Variants in ZMYM2 observed in about 807,000 individuals in gnomAD.
ZMYM2 encodes zinc finger MYM-type containing 2.
A neutral mutation model predicts 162.8 loss-of-function variants in ZMYM2; 56 were observed. That is an observed-to-expected ratio of 0.34 (90% CI 0.28 to 0.43). The LOEUF (loss-of-function observed/expected upper bound fraction) is 0.43, where lower values mean the gene tolerates loss of function less well. ZMYM2 is among the 20% of genes least tolerant of loss of function. The pLI is 1.00. For synonymous variants in ZMYM2, 510 were observed against 541.6 expected (o/e 0.94, Z 0.81); for missense variants, 1,275 against 1,621.8 (o/e 0.79, Z 3.67).
the ZMYM2 span, among the ~76,000 whole-genome samples, chr13:19,912,354 A>G: frequency 8.2e-6 from 1 of 122,372 alleles, no homozygotes; most frequent in African/African-American, 3.2e-5. Flanking sequence ...TTTTTTTGAG[A>G]CAGGGTCTCA....
intron 2 of ZMYM2, among the ~76,000 whole-genome samples, chr13:19,973,180 G>T (rs924483979): frequency 2.6e-5 from 4 of 151,620 alleles, no homozygotes; most frequent in Non-Finnish European, 4.4e-5. Flanking sequence ...CAGGTGATCC[G>T]CCCACCTCAG....
At chr13:19,971,907 C>T (rs1261056075) in intron 2 of ZMYM2, among the ~76,000 whole-genome samples, 2 of 151,682 alleles carry the variant, frequency 1.3e-5, no homozygotes, top group East Asian at 1.9e-4. Flanking sequence ...GGCAGTTTGG[C>T]GTTTTGAAAC....
chr13:19,972,768 T>G (rs1268142265), intron 2 of ZMYM2, among the ~76,000 whole-genome samples: 2 of 152,042 alleles, frequency 1.3e-5, no homozygotes, highest in African/African-American at 4.8e-5. Flanking sequence ...CCTCCGTTAT[T>G]CTTCTATACC....
rs1051112877 is a variant in ZMYM2, at chr13:20,026,782, A to G, written c.1735+20A>G. The G allele has an allele frequency of 1.3e-6, 2 of 1,571,228 alleles. No homozygotes were observed. Among genetic ancestry groups the G allele is most frequent in the Non-Finnish European group, 1.7e-6 (2 of 1,169,322 alleles). ...CACAAAGTAAGTTTCACATATTTGGACAGTTAAAAAAACTTTACAACGTAA... is the reference window on the plus strand; with the variant it reads ...CACAAAGTAAGTTTCACATATTTGGGCAGTTAAAAAAACTTTACAACGTAA... On this transcript the variant is annotated intron_variant, in intron 8 of 24. Coordinates refer to ENST00000610343, the MANE Select transcript of ZMYM2 (RefSeq NM_197968.4).
the ZMYM2 span, among the ~76,000 whole-genome samples, chr13:19,947,569 C>T: frequency 2.0e-5 from 3 of 151,740 alleles, no homozygotes; most frequent in Admixed American, 1.3e-4. Context: ...AGCGATTCTC[C>T]TGCCTCAGCC....
intron 3 of ZMYM2, among the ~76,000 whole-genome samples, chr13:20,001,266 C>T (rs1414059996): frequency 1.3e-5 from 2 of 151,994 alleles, no homozygotes; most frequent in Non-Finnish European, 2.9e-5. Context: ...GTGGCACACA[C>T]CTGTAATCCC....
At chr13:19,923,022 CA>C in the ZMYM2 span, among the ~76,000 whole-genome samples, 41,817 of 94,308 alleles carry the variant, frequency 0.44, 6,665 homozygotes, top group Admixed American at 0.48. Context: ...GACTCCATCT[CA>C]AAAAAAAAAA....
rs1566492241 is a variant in ZMYM2 at position 20,088,192 on chromosome 13, C to T, written c.*2178C>T. On this transcript the variant is annotated 3_prime_UTR_variant, in exon 25 of 25. Coordinates refer to ENST00000610343, the MANE Select transcript of ZMYM2 (RefSeq NM_197968.4). ...TGTCTTTGTCTTGATTGCAATCCAA[C>T]GATAGATTAACTTGATTCTCAGGGG... 1.5e-5 allele frequency: 3 copies of T among 205,944 alleles called. No individual in the cohort carries two copies. The highest frequency in any genetic ancestry group is 7.4e-5 in the East Asian group (1 of 13,554). The allele number at this position is 205,944 out of a possible 1,614,324, so 12.8% of individuals were successfully genotyped here.
chr13:20,043,646 G>T (rs1447787136), intron 12 of ZMYM2, among the ~76,000 whole-genome samples: 1 of 152,028 alleles, frequency 6.6e-6, no homozygotes, highest in Non-Finnish European at 1.5e-5. Flanking sequence ...GGGCCAGGTT[G>T]TGGTGGGGGC....
intron 2 of ZMYM2, among the ~76,000 whole-genome samples, chr13:19,963,772 A>G (rs1331161482): frequency 1.1e-4 from 16 of 152,274 alleles, no homozygotes; most frequent in Admixed American, 9.8e-4. Context: ...CAAGCTTTAC[A>G]CAATACTTGA....
intron 12 of ZMYM2, among the ~76,000 whole-genome samples, chr13:20,050,140 G>A (rs1044982005): frequency 1.3e-5 from 2 of 151,716 alleles, no homozygotes; most frequent in African/African-American, 4.8e-5. Flanking sequence ...TTGGACAAGA[G>A]TTGTGATATT....
chr13:20,013,852 A>G (rs1951395158), intron 6 of ZMYM2, among the ~76,000 whole-genome samples: 1 of 152,080 alleles, frequency 6.6e-6, no homozygotes, highest in Non-Finnish European at 1.5e-5. Flanking sequence ...GGATCTTTGC[A>G]TCTATATTCT....
intron 5 of ZMYM2, among the ~76,000 whole-genome samples, chr13:20,005,493 G>A (rs1429911361): frequency 6.6e-6 from 1 of 151,950 alleles, no homozygotes; most frequent in African/African-American, 2.4e-5. Context: ...TTTCCCTGAG[G>A]TTGGGAACAC....
At chr13:20,041,061 G>A (rs1054274029) in intron 12 of ZMYM2, among the ~76,000 whole-genome samples, 18 of 152,172 alleles carry the variant, frequency 1.2e-4, no homozygotes, top group African/African-American at 4.1e-4. Context: ...ATGTGACAGT[G>A]AGAAGAATGT....
intron 21 of ZMYM2, among the ~76,000 whole-genome samples, chr13:20,080,868 C>G (rs1028248369): frequency 1.3e-5 from 2 of 152,178 alleles, no homozygotes; most frequent in African/African-American, 4.8e-5. Context: ...TACATGGTTA[C>G]AGGTCATGCT....
At chr13:20,005,625 TA>T (rs1481410611) in intron 5 of ZMYM2, among the ~76,000 whole-genome samples, 3 of 152,222 alleles carry the variant, frequency 2.0e-5, no homozygotes, top group East Asian at 3.8e-4. Context: ...ACGATTGGAA[TA>T]TTTTTTGATA....
At chr13:19,886,850 G>A in the ZMYM2 span, among the ~76,000 whole-genome samples, 3 of 151,040 alleles carry the variant, frequency 2.0e-5, no homozygotes, top group African/African-American at 2.4e-5. Context: ...TAATAGAGAC[G>A]GGGTTTCACT....
chr13:19,926,367 T>TA, the ZMYM2 span, among the ~76,000 whole-genome samples: 2 of 148,872 alleles, frequency 1.3e-5, no homozygotes, highest in African/African-American at 4.9e-5. Flanking sequence ...CTTATTTTTT[T>TA]TTTTTTTTTT....
At chr13:19,907,168 G>A in the ZMYM2 span, among the ~76,000 whole-genome samples, 1 of 152,088 alleles carries the variant, frequency 6.6e-6, no homozygotes, top group East Asian at 1.9e-4. Context: ...ATATTGAGTT[G>A]CATTTAAAAA....
Sources: gnomAD v4.1 joint callset for allele counts (sites outside exome capture counted in the v4.1 genomes callset) on GRCh38, gnomAD v4.1.1 for gene constraint, MANE v1.5 for transcripts, NCBI Gene and HGNC (gene_info 2026-07-23, HGNC 2026-07-21) for gene names.